The following LRRC37A2 variants were observed in gnomAD, a reference collection of about 807,000 sequenced individuals.
LRRC37A2 encodes the protein leucine rich repeat containing 37 member A2.
In LRRC37A2, 9 loss-of-function variants were observed where a neutral mutation model predicts 68.8. That is an observed-to-expected ratio of 0.13 (90% CI 0.08 to 0.23). The LOEUF (loss-of-function observed/expected upper bound fraction) is 0.23, where lower values mean the gene tolerates loss of function less well. Ranked by LOEUF, LRRC37A2 falls within the 10% of genes least tolerant of loss-of-function variation. The pLI, the probability that LRRC37A2 is intolerant of heterozygous loss-of-function variation, is 1.00. For missense variants in LRRC37A2, 168 were observed against 950.4 expected (o/e 0.18, Z 10.82); for synonymous variants, 63 against 367.6 (o/e 0.17, Z 9.48).
chr17:46,800,138 T>A, the LRRC37A2 span, among the ~76,000 whole-genome samples: 2 of 151,886 alleles, frequency 1.3e-5, no homozygotes, highest in Admixed American at 1.3e-4. Context: ...GGAGATGGAG[T>A]CTCACTGTGT....
the LRRC37A2 span, among the ~76,000 whole-genome samples, chr17:47,003,877 C>T: frequency 6.6e-6 from 1 of 152,152 alleles, no homozygotes; most frequent in East Asian, 1.9e-4. Flanking sequence ...CCCCTTCCTC[C>T]ACCCCACAAC....
the LRRC37A2 span, among the ~76,000 whole-genome samples, chr17:46,635,728 T>C: frequency 5.9e-5 from 7 of 118,434 alleles, no homozygotes; most frequent in Non-Finnish European, 1.9e-5. Flanking sequence ...TAAGGGGCCA[T>C]TGGTAAATTT....
At chr17:46,992,853 C>CAAAAAAAAAAAA in the LRRC37A2 span, among the ~76,000 whole-genome samples, 1 of 65,166 alleles carries the variant, frequency 1.5e-5, no homozygotes, top group African/African-American at 7.1e-5. Flanking sequence ...AACTCCATCT[C>CAAAAAAAAAAAA]AAAAAAAAAA....
At chr17:47,000,089 AATAAAAT>A in the LRRC37A2 span, among the ~76,000 whole-genome samples, 1 of 63,888 alleles carries the variant, frequency 1.6e-5, no homozygotes, top group Non-Finnish European at 3.5e-5. Context: ...AATAAAATAA[AATAAAAT>A]AAAATAAAAT....
At chr17:46,733,127 AT>A in the LRRC37A2 span, among the ~76,000 whole-genome samples, 2 of 152,208 alleles carry the variant, frequency 1.3e-5, no homozygotes, top group Non-Finnish European at 2.9e-5. Flanking sequence ...TTCCAGTGAG[AT>A]TCCTAACGCC....
chr17:46,802,352 G>A, the LRRC37A2 span, among the ~76,000 whole-genome samples: 2 of 152,110 alleles, frequency 1.3e-5, no homozygotes, highest in Admixed American at 6.5e-5. Flanking sequence ...TGCAACCTCC[G>A]CCTCCTGGGT....
Position 46,537,110 on chromosome 17 carries a change from A to AT in LRRC37A2, c.2907-3058dup, listed in dbSNP as rs1272923879. 7.9e-4 allele frequency among the ~76,000 whole-genome samples: 37 copies of AT among 47,062 alleles called. 2 individuals carry two copies. Among genetic ancestry groups the AT allele is most frequent in the African/African-American group, 3.8e-3 (29 of 7,610 alleles). The allele number at this position is 47,062 out of a possible 152,430, so 30.9% of individuals were successfully genotyped here. Reference sequence around the variant, plus strand: ...TTTTTTTTTTTTTTTTTTTTTTGCTATTTTTTTTGGTATTTGTTGCTTTTA... The same window carrying AT: ...TTTTTTTTTTTTTTTTTTTTTTGCTATTTTTTTTTGGTATTTGTTGCTTTTA... On this transcript the variant is annotated intron_variant, in intron 6 of 14. Transcript: ENST00000576629.
the LRRC37A2 span, chr17:46,923,653 G>A: frequency 5.4e-6 from 6 of 1,106,764 alleles, 1 homozygote; most frequent in Non-Finnish European, 6.9e-6. Context: ...GAAAGTATTT[G>A]TATTCTTATT....
At chr17:46,495,339 C>A in the LRRC37A2 span, among the ~76,000 whole-genome samples, 2 of 147,622 alleles carry the variant, frequency 1.4e-5, no homozygotes, top group African/African-American at 2.6e-5. Flanking sequence ...TCCCAAAGTG[C>A]TGGGATTCCA....
chr17:46,946,065 A>G, the LRRC37A2 span, among the ~76,000 whole-genome samples: 1 of 152,108 alleles, frequency 6.6e-6, no homozygotes, highest in Admixed American at 6.6e-5. Context: ...ATTCCAGAAC[A>G]GCAGCTGTGG....
At chr17:46,870,138 A>G in the LRRC37A2 span, among the ~76,000 whole-genome samples, 1 of 152,196 alleles carries the variant, frequency 6.6e-6, no homozygotes, top group African/African-American at 2.4e-5. Flanking sequence ...CAAAATTTCC[A>G]TCACTCCCTG....
the LRRC37A2 span, chr17:46,769,678 C>T: frequency 8.0e-5 from 119 of 1,492,364 alleles, no homozygotes; most frequent in Non-Finnish European, 1.0e-4. Flanking sequence ...AAGGAGCCCG[C>T]GACCCACAGG....
the LRRC37A2 span, among the ~76,000 whole-genome samples, chr17:46,866,924 T>C: frequency 6.6e-6 from 1 of 152,174 alleles, no homozygotes; most frequent in African/African-American, 2.4e-5. Context: ...ACCAACCTGG[T>C]CTTCCCCAAA....
the LRRC37A2 span, among the ~76,000 whole-genome samples, chr17:46,503,748 A>G: frequency 1.1e-5 from 1 of 90,074 alleles, no homozygotes; most frequent in Non-Finnish European, 2.3e-5. Flanking sequence ...CTCTTTAAGC[A>G]GGGGTAACTT....
At chr17:46,540,949 TAAGTC>T (rs879757142) in intron 8 of LRRC37A2, 68 bp downstream of exon 7, 23,920 of 1,058,478 alleles carry the variant, frequency 0.023, 239 homozygotes, top group Middle Eastern at 0.085. Flanking sequence ...ATTATTTTCT[TAAGTC>T]AGGTTCATTG....
chr17:46,542,558 G>C (rs1439616774), intron 8 of LRRC37A2, among the ~76,000 whole-genome samples: 1 of 148,970 alleles, frequency 6.7e-6, no homozygotes, highest in Non-Finnish European at 1.5e-5. Context: ...AGCCAGGTGT[G>C]GTGGCACACG....
chr17:46,751,117 T>C, the LRRC37A2 span, among the ~76,000 whole-genome samples: 1 of 152,200 alleles, frequency 6.6e-6, no homozygotes, highest in Non-Finnish European at 1.5e-5. Flanking sequence ...GTTTTCAGGT[T>C]ACCCATGTAG....
the LRRC37A2 span, among the ~76,000 whole-genome samples, chr17:46,727,380 G>A: frequency 2.0e-5 from 3 of 152,054 alleles, no homozygotes; most frequent in Non-Finnish European, 4.4e-5. Flanking sequence ...TCAGGAAGGG[G>A]TAATACACTC....
At chr17:46,797,358 A>G in the LRRC37A2 span, among the ~76,000 whole-genome samples, 1,168 of 152,332 alleles carry the variant, frequency 7.7e-3, 13 homozygotes, top group African/African-American at 0.027. Context: ...CGGCAGCTCC[A>G]GGCTGGGTTT....
Sources: gnomAD v4.1 joint callset for allele counts (sites outside exome capture counted in the v4.1 genomes callset) on GRCh38, gnomAD v4.1.1 for gene constraint, MANE v1.5 for transcripts, NCBI Gene and HGNC (gene_info 2026-07-23, HGNC 2026-07-21) for gene names.